Variants in VPS41 observed in about 807,000 individuals in gnomAD.
VPS41 encodes VPS41 subunit of HOPS complex.
Under a neutral mutation model 130.9 loss-of-function variants are expected in VPS41, and 85 were observed. That is an observed-to-expected ratio of 0.65 (90% CI 0.55 to 0.78). The LOEUF (loss-of-function observed/expected upper bound fraction) is 0.78, where lower values mean the gene tolerates loss of function less well. VPS41 is among the 30% of genes least tolerant of loss of function. VPS41 has a pLI of 0.00. For missense variants in VPS41, 874 were observed against 1,018.7 expected (o/e 0.86, Z 1.93); for synonymous variants, 335 against 332.9 (o/e 1.01, Z -0.07).
chr7:38,726,040 A>G lies in VPS41; in HGVS notation c.*206T>C. On this transcript the variant is annotated 3_prime_UTR_variant, in exon 29 of 29. Transcript: ENST00000310301. Reference sequence around the variant, plus strand: ...AACAAAATATTCACTATGGACCCCAAAATTTCAAGGCATGAAGAGAGCCCC... The same window carrying G: ...AACAAAATATTCACTATGGACCCCAGAATTTCAAGGCATGAAGAGAGCCCC... 5.6e-6 allele frequency: 3 copies of G among 531,754 alleles called. No homozygotes were observed. Among genetic ancestry groups the G allele is most frequent in the East Asian group, 6.0e-5 (2 of 33,304 alleles). The allele number at this position is 531,754 out of a possible 1,614,324, so 32.9% of individuals were successfully genotyped here.
At chr7:38,735,820 G>A (rs1365437713) in intron 25 of VPS41, among the ~76,000 whole-genome samples, 1 of 152,184 alleles carries the variant, frequency 6.6e-6, no homozygotes, top group Non-Finnish European at 1.5e-5. Context: ...CCTCTGTTAA[G>A]AAGACACCCA....
chr7:38,741,967 C>T lies in VPS41; in HGVS notation c.2259+18G>A. ...TCAACTAATTCAGATGCTCATTTGT[C>T]CAAGAAAGGATACTTACTTGCAAAT... is the stretch of plus-strand genomic sequence containing the variant. On this transcript the variant is annotated intron_variant, in intron 25 of 28. Transcript: ENST00000310301. 6.2e-7 allele frequency: 1 copy of T among 1,611,940 alleles called. No individual in the cohort carries two copies. Among genetic ancestry groups the T allele is most frequent in the African/African-American group, 1.3e-5 (1 of 74,948 alleles).
rs545744252 is a variant in VPS41 at position 38,855,516 on chromosome 7, T to C, written c.246+7029A>G. ...GAGTCCCAAAGTCCAGGGAGAAAAA[T>C]GAAACCATCATCACTCACAGATGAG... is the stretch of plus-strand genomic sequence containing the variant. On this transcript the variant is annotated intron_variant, in intron 4 of 28. Transcript: ENST00000310301. Among the ~76,000 whole-genome samples, 104 of 152,098 alleles carry C rather than the reference T, an allele frequency of 6.8e-4. No homozygotes were observed. The Middle Eastern group carries it at 0.014, about 20-fold the overall frequency.
intron 16 of VPS41, among the ~76,000 whole-genome samples, 174 bp downstream of exon 16, chr7:38,765,406 T>G (rs75256204): frequency 0.017 from 22 of 1,274 alleles, no homozygotes; most frequent in African/African-American, 0.16. Context: ...TCTTATATAT[T>G]TTTTTTTACA....
chr7:38,769,688 G>C (rs1397410722), intron 14 of VPS41, among the ~76,000 whole-genome samples: 1 of 152,136 alleles, frequency 6.6e-6, no homozygotes, highest in East Asian at 1.9e-4. Context: ...CACAGAGTCA[G>C]TTACCACATC....
chr7:38,869,020 G>C (rs1367537344), intron 3 of VPS41, 126 bp downstream of exon 3: 1 of 671,024 alleles, frequency 1.5e-6, no homozygotes, highest in Admixed American at 2.9e-5. Context: ...CAAGGAGGAA[G>C]AGAGCAGTGG....
chr7:38,739,644 T>A (rs1795844272), intron 25 of VPS41, among the ~76,000 whole-genome samples: 1 of 152,182 alleles, frequency 6.6e-6, no homozygotes, highest in African/African-American at 2.4e-5. Context: ...GACTGCATTC[T>A]CCAACAAGAT....
chr7:38,758,839 C>T (rs970341336), intron 17 of VPS41, among the ~76,000 whole-genome samples: 2 of 152,162 alleles, frequency 1.3e-5, no homozygotes, highest in Admixed American at 1.3e-4. Flanking sequence ...AGTAATGAAG[C>T]TTTCATTAAA....
chr7:38,821,739 A>G (rs1785177279), intron 5 of VPS41, among the ~76,000 whole-genome samples: 1 of 151,902 alleles, frequency 6.6e-6, no homozygotes, highest in African/African-American at 2.4e-5. Context: ...AAAAAGAAAA[A>G]AGAAAAAAGA....
At position 38,771,303 on chromosome 7, in the gene VPS41, G is replaced by A. The variant is rs753118027; in HGVS notation, c.1129-49C>T. On this transcript the variant is annotated intron_variant, in intron 13 of 28. Transcript: ENST00000310301. Reference sequence around the variant, plus strand: ...TTTAAAAAAAAAAAAAAGCAGAAAAGGAGGGAGGGAAAATGGGAGAAGGTG... The same window carrying A: ...TTTAAAAAAAAAAAAAAGCAGAAAAAGAGGGAGGGAAAATGGGAGAAGGTG... 3.1e-6 allele frequency: 4 copies of A among 1,307,204 alleles called. No homozygotes were observed. In the African/African-American group the frequency reaches 6.0e-5, roughly 20 times the overall value. 81.0% of individuals were successfully genotyped at this position (1,307,204 alleles called of 1,614,324 possible).
At chr7:38,751,920 C>CTAGA (rs1351036501) in intron 22 of VPS41, among the ~76,000 whole-genome samples, 2 of 152,162 alleles carry the variant, frequency 1.3e-5, no homozygotes, top group Admixed American at 6.5e-5. Flanking sequence ...TGATTAAGTC[C>CTAGA]TAGACCCTGG....
At chr7:38,813,850 T>C (rs1784990185) in intron 7 of VPS41, among the ~76,000 whole-genome samples, 1 of 152,160 alleles carries the variant, frequency 6.6e-6, no homozygotes, top group Admixed American at 6.5e-5. Context: ...TGGAACGAGA[T>C]GTCAACAGAT....
chr7:38,807,879 C>T (rs1236966660), intron 7 of VPS41, among the ~76,000 whole-genome samples: 11 of 152,112 alleles, frequency 7.2e-5, no homozygotes. Flanking sequence ...GCAGTCCTTG[C>T]TCAAAATACT....
intron 2 of VPS41, among the ~76,000 whole-genome samples, chr7:38,881,068 G>A (rs577129761): frequency 6.6e-6 from 1 of 151,968 alleles, no homozygotes; most frequent in South Asian, 2.1e-4. Context: ...TCCTATCATT[G>A]CTGTAAAAAA....
chr7:38,901,934 T>C (rs982785218), intron 1 of VPS41, among the ~76,000 whole-genome samples: 1 of 152,208 alleles, frequency 6.6e-6, no homozygotes, highest in Non-Finnish European at 1.5e-5. Flanking sequence ...TGTATTTTAC[T>C]ATAATAAAGT....
At chr7:38,739,527 T>A (rs967622028) in intron 25 of VPS41, among the ~76,000 whole-genome samples, 1 of 152,224 alleles carries the variant, frequency 6.6e-6, no homozygotes, top group African/African-American at 2.4e-5. Flanking sequence ...AAGCGGTCAT[T>A]AATACATTAT....
intron 22 of VPS41, among the ~76,000 whole-genome samples, chr7:38,746,945 C>T (rs893871921): frequency 1.3e-5 from 2 of 152,106 alleles, no homozygotes; most frequent in African/African-American, 2.4e-5. Flanking sequence ...TCTCTGACCC[C>T]GCGGCATGGT....
chr7:38,886,101 G>A (rs565328990), intron 2 of VPS41, among the ~76,000 whole-genome samples: 1 of 152,150 alleles, frequency 6.6e-6, no homozygotes, highest in East Asian at 1.9e-4. Context: ...GAAGATGGGT[G>A]ATTTCTGCAT....
chr7:38,895,320 T>TA (rs953323300), intron 2 of VPS41, among the ~76,000 whole-genome samples: 25 of 150,582 alleles, frequency 1.7e-4, no homozygotes, highest in Non-Finnish European at 2.8e-4. Context: ...AGACTTTGTC[T>TA]AAAAAAAAAT....
Sources: allele counts gnomAD v4.1 joint callset (sites outside exome capture counted in the v4.1 genomes callset), GRCh38; gene constraint gnomAD v4.1.1; transcripts MANE v1.5; gene names NCBI Gene and HGNC (gene_info 2026-07-23, HGNC 2026-07-21).